DDX10: variants seen among roughly 807,000 people sequenced by gnomAD.
DDX10 encodes DEAD-box helicase 10.
In DDX10, 74 loss-of-function variants were observed where a neutral mutation model predicts 104.3. The observed-to-expected ratio is 0.71, with a 90% CI of 0.59 to 0.86. DDX10 has a LOEUF of 0.86. Ranked by LOEUF, DDX10 falls within the 40% of genes least tolerant of loss-of-function variation. The pLI is 0.00. For synonymous variants in DDX10, 351 were observed against 353.4 expected (o/e 0.99, Z 0.08); for missense variants, 952 against 1,040.0 (o/e 0.92, Z 1.16).
At chr11:108,667,661 G>A (rs2094211770) in intron 1 of DDX10, among the ~76,000 whole-genome samples, 1 of 152,218 alleles carries the variant, frequency 6.6e-6, no homozygotes, top group South Asian at 2.1e-4. Context: ...TGAAGGAACA[G>A]CTTGCAGTTT....
chr11:108,666,480 TAAAC>T (rs952689399), intron 1 of DDX10, among the ~76,000 whole-genome samples: 88 of 152,208 alleles, frequency 5.8e-4, no homozygotes, highest in African/African-American at 2.0e-3. Context: ...GACTCTGTCT[TAAAC>T]AAACAAACAA....
chr11:108,673,622 T>A, intron 2 of DDX10, 95 bp downstream of exon 2: 1 of 839,924 alleles, frequency 1.2e-6, no homozygotes, highest in Non-Finnish European at 1.9e-6. Context: ...AAAAATCTTA[T>A]TTTGGCAAAT....
chr11:108,689,941 T>C (rs1286300611), intron 7 of DDX10, among the ~76,000 whole-genome samples: 1 of 152,130 alleles, frequency 6.6e-6, no homozygotes, highest in Non-Finnish European at 1.5e-5. Context: ...TCAGCCTTGG[T>C]GCGGTGGCTC....
At chr11:108,675,829 TGATA>T (rs936015080) in intron 3 of DDX10, 103 bp downstream of exon 3, 15 of 1,420,568 alleles carry the variant, frequency 1.1e-5, no homozygotes, top group Admixed American at 2.0e-5. Context: ...TTAGATTTCA[TGATA>T]GATTGGCTAG....
intron 15 of DDX10, among the ~76,000 whole-genome samples, 185 bp from the exon 16 acceptor site, chr11:108,851,968 T>C (rs911926577): frequency 2.0e-5 from 3 of 152,256 alleles, no homozygotes; most frequent in Admixed American, 6.5e-5. Flanking sequence ...ATTCCAGATC[T>C]GTCTGACACA....
chr11:108,937,753 C>A (rs1319084403), intron 17 of DDX10, among the ~76,000 whole-genome samples: 1 of 152,150 alleles, frequency 6.6e-6, no homozygotes, highest in African/African-American at 2.4e-5. Flanking sequence ...TATTGAAAGA[C>A]TGTTACCTCT....
chr11:108,834,695 A>C (rs536392318), intron 13 of DDX10, among the ~76,000 whole-genome samples: 1 of 152,078 alleles, frequency 6.6e-6, no homozygotes, highest in African/African-American at 2.4e-5. Flanking sequence ...TGGAGATCCA[A>C]GGTCCTTAAG....
chr11:108,742,287 C>A (rs898121807), intron 13 of DDX10, among the ~76,000 whole-genome samples: 1 of 146,838 alleles, frequency 6.8e-6, no homozygotes, highest in African/African-American at 2.5e-5. Context: ...AAAAAAAAAC[C>A]CTGGGCATGG....
intron 13 of DDX10, among the ~76,000 whole-genome samples, chr11:108,748,520 T>G (rs1471051570): frequency 2.0e-5 from 3 of 152,152 alleles, no homozygotes; most frequent in Admixed American, 6.6e-5. Flanking sequence ...CACCATATAC[T>G]GGGTCATGAA....
intron 13 of DDX10, among the ~76,000 whole-genome samples, chr11:108,751,312 T>C (rs2094338429): frequency 6.6e-6 from 1 of 152,066 alleles, no homozygotes; most frequent in Non-Finnish European, 1.5e-5. Context: ...TAGGTATAGG[T>C]ATCTAAAGAA....
intron 16 of DDX10, among the ~76,000 whole-genome samples, chr11:108,893,721 C>T (rs535688831): frequency 2.0e-3 from 311 of 152,018 alleles, no homozygotes; most frequent in Non-Finnish European, 3.2e-3. Flanking sequence ...TAATCTTAGT[C>T]TAGCAGCTCA....
intron 13 of DDX10, among the ~76,000 whole-genome samples, chr11:108,784,293 A>T (rs1861757222): frequency 1.3e-5 from 2 of 151,934 alleles, no homozygotes; most frequent in South Asian, 2.1e-4. Flanking sequence ...TTCTTGGAAG[A>T]CTCTGTAACA....
chr11:108,720,987 A>C (rs1266205074), intron 12 of DDX10, among the ~76,000 whole-genome samples: 2 of 151,362 alleles, frequency 1.3e-5, no homozygotes, highest in Non-Finnish European at 2.9e-5. Context: ...AAACATTGGC[A>C]CAATCTTATA....
intron 13 of DDX10, among the ~76,000 whole-genome samples, chr11:108,783,492 G>A (rs936066703): frequency 6.6e-6 from 1 of 152,094 alleles, no homozygotes; most frequent in African/African-American, 2.4e-5. Context: ...GGCAGGACAG[G>A]AATATGTATA....
At chr11:108,788,835 G>C (rs921967382) in intron 13 of DDX10, among the ~76,000 whole-genome samples, 3 of 152,202 alleles carry the variant, frequency 2.0e-5, no homozygotes, top group Admixed American at 6.5e-5. Context: ...TTTTGGTTCT[G>C]TTGGTAGTTA....
intron 1 of DDX10, among the ~76,000 whole-genome samples, chr11:108,666,812 A>G (rs79579642): frequency 0.011 from 1,617 of 152,286 alleles, 28 homozygotes; most frequent in African/African-American, 0.037. Context: ...CTTTAATTTA[A>G]TCACATCTGA....
intron 17 of DDX10, chr11:108,919,824 T>G (rs1863800162): frequency 6.6e-6 from 1 of 152,214 alleles, no homozygotes; most frequent in Non-Finnish European, 1.5e-5. Flanking sequence ...ATTTAATTCT[T>G]CTGCCATTTC....
At chr11:108,736,459 G>A (rs1323672069) in intron 13 of DDX10, among the ~76,000 whole-genome samples, 1 of 152,106 alleles carries the variant, frequency 6.6e-6, no homozygotes, top group Non-Finnish European at 1.5e-5. Flanking sequence ...TGATACCACC[G>A]AAGTTGAAAT....
At chr11:108,809,208 T>C (rs1462886341) in intron 13 of DDX10, among the ~76,000 whole-genome samples, 2 of 152,146 alleles carry the variant, frequency 1.3e-5, no homozygotes, top group Non-Finnish European at 2.9e-5. Flanking sequence ...CTGTACTGAC[T>C]CAGTAGAGTA....
Sources: gnomAD v4.1 joint callset for allele counts (sites outside exome capture counted in the v4.1 genomes callset) on GRCh38, gnomAD v4.1.1 for gene constraint, MANE v1.5 for transcripts, NCBI Gene and HGNC (gene_info 2026-07-23, HGNC 2026-07-21) for gene names.